The following GMDS variants were observed in gnomAD, a reference collection of about 807,000 sequenced individuals.
GMDS encodes GDP-mannose 4,6-dehydratase.
Under a neutral mutation model 49.9 loss-of-function variants are expected in GMDS, and 20 were observed. That is an observed-to-expected ratio of 0.40 (90% CI 0.28 to 0.58). GMDS has a LOEUF of 0.58. Among genes scored for constraint, GMDS ranks in the 20% least tolerant of loss-of-function variants. GMDS has a pLI of 0.42. For missense variants in GMDS, 362 were observed against 481.4 expected, an observed-to-expected ratio of 0.75 and a Z score of 2.32; for synonymous variants, 177 against 178.6, an observed-to-expected ratio of 0.99 and a Z score of 0.07.
rs766155480 is a variant in GMDS at position 1,624,549 on chromosome 6, G to A, written c.988-9C>T. 3.7e-6 allele frequency: 6 copies of A among 1,609,592 alleles called. No homozygotes were observed. In the African/African-American group the frequency reaches 5.3e-5, roughly 14 times the overall value. ...TCGCCCTGCAGAAAGTCCTAGGGAA[G>A]AAGAGGGGGAGACGAAGCAGGCGTG... On this transcript the variant is annotated splice_polypyrimidine_tract_variant and intron_variant, in intron 9 of 10. Transcript: ENST00000380815.
Position 1,836,239 on chromosome 6 carries a change from TC to T in GMDS, c.772-93654del, listed in dbSNP as rs1756922510. Among the ~76,000 whole-genome samples, 1 of 152,158 alleles carries T rather than the reference TC, an allele frequency of 6.6e-6. No individual in the cohort carries two copies. The highest frequency in any genetic ancestry group is 2.4e-5 in the African/African-American group (1 of 41,436). On this transcript the variant is annotated intron_variant, in intron 7 of 10. Coordinates refer to ENST00000380815, the MANE Select transcript of GMDS (RefSeq NM_001500.4). This position sits in a 1 kb window ranked among gnomAD's most constrained non-coding sequence, Gnocchi z 4.2. ...TCATGCCTGATAGTCTCTTTTAAAGTCTCTTTCCTGGTGGTTTTGCTGTGTA... is the reference window on the plus strand; with the variant it reads ...TCATGCCTGATAGTCTCTTTTAAAGTTCTTTCCTGGTGGTTTTGCTGTGTA...
chr6:2,201,483 A>C (rs1779530458), intron 1 of GMDS, among the ~76,000 whole-genome samples: 1 of 124,904 alleles, frequency 8.0e-6, no homozygotes, highest in South Asian at 3.2e-4. Context: ...CCATCTAGGC[A>C]GTGAGGGCAG....
At chr6:1,664,371 G>T (rs1228850146) in intron 9 of GMDS, among the ~76,000 whole-genome samples, 2 of 152,150 alleles carry the variant, frequency 1.3e-5, no homozygotes, top group Admixed American at 6.5e-5. Context: ...GAACCACACT[G>T]TCCTCTGTCA....
At chr6:1,879,584 GT>G (rs1181954213) in intron 7 of GMDS, among the ~76,000 whole-genome samples, 1,543 of 143,656 alleles carry the variant, frequency 0.011, 28 homozygotes, top group African/African-American at 0.035. Context: ...GTTACCAAAG[GT>G]TTTTTTTTTT....
chr6:2,017,916 C>T (rs1768010825), intron 4 of GMDS, among the ~76,000 whole-genome samples: 1 of 152,136 alleles, frequency 6.6e-6, no homozygotes, highest in African/African-American at 2.4e-5. Context: ...TCTAACACTA[C>T]TGAAGAAAGC....
At chr6:1,868,769 T>A (rs1021761661) in intron 7 of GMDS, among the ~76,000 whole-genome samples, 2 of 152,216 alleles carry the variant, frequency 1.3e-5, no homozygotes, top group African/African-American at 4.8e-5. Flanking sequence ...ATGTTATGTA[T>A]GGTTGTGAAT....
chr6:1,854,539 T>G (rs1050245193), intron 7 of GMDS, among the ~76,000 whole-genome samples: 2 of 152,242 alleles, frequency 1.3e-5, no homozygotes, highest in African/African-American at 4.8e-5. Flanking sequence ...CATCTGTGAT[T>G]GTCACAACTG....
chr6:1,927,931 TCAA>T lies in GMDS; in HGVS notation c.771+2169_771+2171del, dbSNP rs1762104454. 2.0e-5 allele frequency among the ~76,000 whole-genome samples: 3 copies of T among 152,334 alleles called. 1 individual carries two copies. Among genetic ancestry groups the T allele is most frequent in the Admixed American group, 2.0e-4 (3 of 15,306 alleles). ...TAAACACAACCTGTAAAAAGCACTATCAACATTATGGTATACTGTTTCCCTCAC... is the reference window on the plus strand; with the variant it reads ...TAAACACAACCTGTAAAAAGCACTATCATTATGGTATACTGTTTCCCTCAC... On this transcript the variant is annotated intron_variant, in intron 7 of 10. Coordinates refer to ENST00000380815, the MANE Select transcript of GMDS (RefSeq NM_001500.4).
Position 1,852,612 on chromosome 6 carries a change from C to G in GMDS, c.771+77491G>C, listed in dbSNP as rs562894469. On this transcript the variant is annotated intron_variant, in intron 7 of 10. Transcript: ENST00000380815. ...TTTGAAAATTTAGCATTATGTTTTT[C>G]TTAGTGTCTTTTTTTTTCTCTTAAT... 2.6e-5 allele frequency among the ~76,000 whole-genome samples: 4 copies of G among 152,024 alleles called. No homozygotes were observed. In the South Asian group the frequency reaches 8.3e-4, roughly 32 times the overall value.
At chr6:1,676,606 T>A (rs868624825) in intron 9 of GMDS, among the ~76,000 whole-genome samples, 1 of 152,060 alleles carries the variant, frequency 6.6e-6, no homozygotes, top group African/African-American at 2.4e-5. Flanking sequence ...TGGAACAGAA[T>A]AGAGTCCCTG....
intron 6 of GMDS, among the ~76,000 whole-genome samples, chr6:1,939,954 G>A (rs1031174870): frequency 1.3e-5 from 2 of 151,946 alleles, no homozygotes; most frequent in African/African-American, 4.8e-5. Flanking sequence ...TCCTACTAGG[G>A]ACAGTTCTAC....
At chr6:1,983,065 A>T (rs1765313018) in intron 4 of GMDS, among the ~76,000 whole-genome samples, 1 of 152,152 alleles carries the variant, frequency 6.6e-6, no homozygotes, top group Non-Finnish European at 1.5e-5. Flanking sequence ...AGAACCCAAA[A>T]ATGAGACCGC....
intron 7 of GMDS, among the ~76,000 whole-genome samples, chr6:1,908,738 C>T (rs1342161084): frequency 6.6e-6 from 1 of 152,196 alleles, no homozygotes; most frequent in Non-Finnish European, 1.5e-5. Context: ...AAGCTCTTCC[C>T]TACGGCTGTT....
intron 8 of GMDS, among the ~76,000 whole-genome samples, chr6:1,736,913 TA>T (rs1324403443): frequency 2.6e-5 from 4 of 152,178 alleles, no homozygotes; most frequent in Non-Finnish European, 5.9e-5. Context: ...TTACAGTAGC[TA>T]CACTGGCTGC....
At chr6:1,921,952 C>A (rs781021403) in intron 7 of GMDS, among the ~76,000 whole-genome samples, 3 of 152,108 alleles carry the variant, frequency 2.0e-5, no homozygotes, top group African/African-American at 7.2e-5. Flanking sequence ...AATAAAAAAT[C>A]GATGAGTATT....
intron 4 of GMDS, among the ~76,000 whole-genome samples, chr6:2,098,046 T>C (rs1186694699): frequency 1.3e-5 from 2 of 151,804 alleles, no homozygotes; most frequent in Non-Finnish European, 2.9e-5. Flanking sequence ...ATAAGAAAAT[T>C]ACACATAATA....
intron 7 of GMDS, among the ~76,000 whole-genome samples, chr6:1,779,050 T>C (rs1351577464): frequency 6.6e-6 from 1 of 151,836 alleles, no homozygotes; most frequent in Admixed American, 6.6e-5. Context: ...AGCGCTCAAG[T>C]GGGGGTCTCA....
chr6:2,033,606 A>G (rs4580917), intron 4 of GMDS, among the ~76,000 whole-genome samples: 41,942 of 152,160 alleles, frequency 0.28, 5,800 homozygotes, highest in South Asian at 0.3. Flanking sequence ...ATGCTTTCAG[A>G]ATATAAGAAG....
At chr6:1,905,475 T>TA (rs1760714978) in intron 7 of GMDS, among the ~76,000 whole-genome samples, 1 of 147,352 alleles carries the variant, frequency 6.8e-6, no homozygotes, top group African/African-American at 2.6e-5. Context: ...AGGTGGGGCC[T>TA]AAAAGGTGCC....
Sources: allele counts gnomAD v4.1 joint callset (sites outside exome capture counted in the v4.1 genomes callset), GRCh38; gene constraint gnomAD v4.1.1; non-coding constraint Gnocchi (gnomAD v3.1); transcripts MANE v1.5; gene names NCBI Gene and HGNC (gene_info 2026-07-23, HGNC 2026-07-21).